Variants in MID1 observed in about 807,000 individuals in gnomAD.
MID1 encodes the protein E3 ubiquitin-protein ligase Midline-1.
MID1 carries 7 observed loss-of-function variants against 40.4 expected under a neutral mutation model. That is an observed-to-expected ratio of 0.17 (90% CI 0.10 to 0.33). The LOEUF (loss-of-function observed/expected upper bound fraction) is 0.33. MID1 is among the 10% of genes least tolerant of loss of function. The pLI, the probability that MID1 is intolerant of heterozygous loss-of-function variation, is 1.00. For synonymous variants in MID1, 229 were observed against 221.2 expected (o/e 1.04, Z -0.31); for missense variants, 367 against 558.5 (o/e 0.66, Z 3.46).
intron 2 of MID1, among the ~76,000 whole-genome samples, chrX:10,529,716 G>A (rs1290607213): frequency 9.0e-6 from 1 of 111,654 alleles, no homozygotes; most frequent in East Asian, 2.8e-4. Flanking sequence ...CCTTTGCCTG[G>A]AATGCATGTG....
rs146673423 is a variant in MID1 at position 10,652,921 on chromosome X, T to A, written c.-186-32502A>T. On this transcript the variant is annotated intron_variant, in intron 1 of 10. Transcript: ENST00000380785. ...CGAAAGGGTAACCTCCTTGCTCCTC[T>A]CCTTTGTGGAGGGCCTTGGTTCCTG... Among the ~76,000 whole-genome samples the A allele has an allele frequency of 2.1e-3, 235 of 112,291 alleles. 1 individual carries two copies. Among genetic ancestry groups the A allele is most frequent in the Middle Eastern group, 4.6e-3 (1 of 219 alleles).
chrX:10,471,247 A>G (rs983638353), intron 6 of MID1, among the ~76,000 whole-genome samples: 2 of 112,391 alleles, frequency 1.8e-5, no homozygotes, highest in African/African-American at 6.5e-5. Context: ...AATTATGATT[A>G]GAATTGATGA....
chrX:10,572,153 T>C (rs1213962758), intron 1 of MID1, among the ~76,000 whole-genome samples: 68 of 84,612 alleles, frequency 8.0e-4, no homozygotes, highest in African/African-American at 2.2e-3. Flanking sequence ...CTCTCTCTCT[T>C]TCTCTCTCTC....
At chrX:10,634,276 A>G (rs1037276260) in intron 1 of MID1, among the ~76,000 whole-genome samples, 3 of 112,120 alleles carry the variant, frequency 2.7e-5, no homozygotes, top group African/African-American at 9.7e-5. Flanking sequence ...ACCCAAAGTT[A>G]TTCCATGGTA....
intron 1 of MID1, among the ~76,000 whole-genome samples, chrX:10,790,902 A>G (rs1241643436): frequency 1.8e-5 from 2 of 112,069 alleles, no homozygotes; most frequent in East Asian, 5.6e-4. Flanking sequence ...GTGTGTTTGT[A>G]TTTTGATTCT....
At chrX:10,461,135 A>AGAT (rs1398077080) in intron 7 of MID1, among the ~76,000 whole-genome samples, 7 of 101,981 alleles carry the variant, frequency 6.9e-5, no homozygotes, top group Non-Finnish European at 1.2e-4. Flanking sequence ...AGATATCTAA[A>AGAT]GATACACACA....
chrX:10,817,219 T>C (rs927105849), intron 1 of MID1, among the ~76,000 whole-genome samples: 8 of 112,333 alleles, frequency 7.1e-5, no homozygotes, highest in Non-Finnish European at 1.5e-4. Flanking sequence ...GGATGATCTG[T>C]GCTCTTTAAT....
intron 1 of MID1, among the ~76,000 whole-genome samples, chrX:10,590,378 G>C (rs975612606): frequency 9.0e-6 from 1 of 111,678 alleles, no homozygotes; most frequent in African/African-American, 3.3e-5. Flanking sequence ...AGCTATAGCA[G>C]AGACCAAGAG....
intron 1 of MID1, among the ~76,000 whole-genome samples, chrX:10,786,280 A>G (rs1313534989): frequency 9.0e-6 from 1 of 110,881 alleles, no homozygotes; most frequent in Non-Finnish European, 1.9e-5. Flanking sequence ...ACCATCTCAC[A>G]CCAGTTAGAA....
At chrX:10,588,997 A>C (rs996245260) in intron 1 of MID1, among the ~76,000 whole-genome samples, 1 of 111,589 alleles carries the variant, frequency 9.0e-6, no homozygotes, top group Non-Finnish European at 1.9e-5. Context: ...AGTTCCTAGT[A>C]GGGTGGGCTT....
At chrX:10,510,857 A>AAAAG (rs1932109328) in intron 3 of MID1, among the ~76,000 whole-genome samples, 1 of 108,098 alleles carries the variant, frequency 9.3e-6, no homozygotes, top group South Asian at 4.1e-4. Context: ...AAAAAAAAGA[A>AAAAG]AATGCTGAAA....
chrX:10,590,075 T>C (rs111894772), intron 1 of MID1, among the ~76,000 whole-genome samples: 1,316 of 110,537 alleles, frequency 0.012, 20 homozygotes, highest in African/African-American at 0.037. Context: ...CTGCATGCAC[T>C]GGTGGTTAGA....
chrX:10,505,194 C>T (rs1018275063), intron 3 of MID1: 6 of 195,093 alleles, frequency 3.1e-5, no homozygotes, highest in African/African-American at 1.2e-4. Context: ...AACATACTTG[C>T]GGTATGGTTT....
chrX:10,588,333 G>A (rs942399380), intron 1 of MID1, among the ~76,000 whole-genome samples: 2 of 108,539 alleles, frequency 1.8e-5, no homozygotes, highest in African/African-American at 6.7e-5. Context: ...TTTTTTTCCC[G>A]TTAGCAAAGC....
chrX:10,446,344 C>T lies in MID1; in HGVS notation c.*3024G>A, dbSNP rs1482486086. The T allele has an allele frequency of 8.9e-6, 1 of 111,996 alleles. No homozygotes were observed. The highest frequency in any genetic ancestry group is 3.3e-5 in the African/African-American group (1 of 30,758). The allele number at this position is 111,996 out of a possible 1,213,427, so 9.2% of individuals were successfully genotyped here. ...GAGCTGAGATGGAATTCCACGGTCA[C>T]TGGAGGACGTTAGTTCAGTTCCTCA... On this transcript the variant is annotated 3_prime_UTR_variant, in exon 10 of 10. Coordinates refer to ENST00000317552, the MANE Select transcript of MID1 (RefSeq NM_000381.4).
At chrX:10,772,045 G>A (rs779424237) in intron 1 of MID1, among the ~76,000 whole-genome samples, 10 of 110,571 alleles carry the variant, frequency 9.0e-5, no homozygotes, top group East Asian at 5.7e-4. Context: ...GCTTGCACAC[G>A]CATGTTTATA....
intron 1 of MID1, among the ~76,000 whole-genome samples, chrX:10,642,426 G>A (rs1220129747): frequency 2.7e-5 from 3 of 109,759 alleles, no homozygotes; most frequent in African/African-American, 6.7e-5. Flanking sequence ...GCTTCAAAGA[G>A]AATAAAATAC....
At chrX:10,565,305 G>A (rs1273876260) in intron 2 of MID1, 1 of 330,482 alleles carries the variant, frequency 3.0e-6, no homozygotes, top group East Asian at 9.7e-5. Flanking sequence ...TGATGCTTTT[G>A]TTGCCCAAGT....
At chrX:10,795,119 T>A (rs2043959313) in intron 1 of MID1, among the ~76,000 whole-genome samples, 1 of 111,381 alleles carries the variant, frequency 9.0e-6, no homozygotes, top group Admixed American at 9.6e-5. Flanking sequence ...CCACACTGGA[T>A]GCCAGGAGCA....
Sources: gnomAD v4.1 joint callset for allele counts (sites outside exome capture counted in the v4.1 genomes callset) on GRCh38, gnomAD v4.1.1 for gene constraint, MANE v1.5 for transcripts, NCBI Gene and HGNC (gene_info 2026-07-23, HGNC 2026-07-21) for gene names.